The following ACAP2 variants were observed in gnomAD, a reference collection of about 807,000 sequenced individuals.
ACAP2 encodes the protein arf-GAP with coiled-coil, ANK repeat and PH domain-containing protein 2.
A neutral mutation model predicts 115.8 loss-of-function variants in ACAP2; 39 were observed. The observed-to-expected ratio is 0.34, with a 90% confidence interval of 0.26 to 0.44. ACAP2 has a LOEUF of 0.44. Among genes scored for constraint, ACAP2 ranks in the 20% least tolerant of loss-of-function variants. ACAP2 has a pLI of 1.00. For missense variants in ACAP2, 662 were observed against 927.6 expected, an observed-to-expected ratio of 0.71 and a Z score of 3.72; for synonymous variants, 289 against 315.8, an observed-to-expected ratio of 0.92 and a Z score of 0.90.
rs546885567 is a variant in ACAP2, at chr3:195,431,309, T to C, written c.53+11486A>G. 3.8e-4 allele frequency among the ~76,000 whole-genome samples: 58 copies of C among 152,360 alleles called. No homozygotes were observed. In the Middle Eastern group the frequency reaches 0.017, roughly 45 times the overall value. The stretch of plus-strand genomic sequence containing the variant: ...GTACGGACACAGGTTGTTTCACTTT[T>C]TGGCAGTGAATAATGCTCCTATGAA... On this transcript the variant is annotated intron_variant, in intron 1 of 22. Transcript: ENST00000326793.
At chr3:195,391,764 G>C (rs1288963006) in intron 2 of ACAP2, among the ~76,000 whole-genome samples, 1 of 152,090 alleles carries the variant, frequency 6.6e-6, no homozygotes, top group Non-Finnish European at 1.5e-5. Context: ...GGAGGCCAAG[G>C]CAGGTGGATC....
intron 4 of ACAP2, among the ~76,000 whole-genome samples, chr3:195,371,714 G>A (rs1325654151): frequency 2.6e-5 from 4 of 152,104 alleles, no homozygotes; most frequent in African/African-American, 4.8e-5. Context: ...GTGCAGTGGC[G>A]TGATCTTGGC....
chr3:195,359,057 T>C (rs1279356487), intron 4 of ACAP2, among the ~76,000 whole-genome samples: 1 of 152,178 alleles, frequency 6.6e-6, no homozygotes, highest in African/African-American at 2.4e-5. Context: ...AAAAACTTTT[T>C]TACTCTAGAA....
intron 6 of ACAP2, among the ~76,000 whole-genome samples, chr3:195,337,898 GACCTGAGCCCGGGGCCACTCCCACCTCA>G (rs1461104628): frequency 2.1e-3 from 303 of 143,418 alleles, no homozygotes; most frequent in African/African-American, 6.1e-3. Context: ...TCTGTACTCC[GACCTGAGCCCGGGGCCACTCCCACCTCA>G]ACCTGAGCCC....
intron 6 of ACAP2, 35 bp from the exon 7 acceptor site, chr3:195,337,011 A>T (rs375737427): frequency 1.3e-6 from 2 of 1,579,094 alleles, no homozygotes; most frequent in Non-Finnish European, 1.7e-6. Flanking sequence ...TCACCCATGC[A>T]TTATTTTAAA....
At chr3:195,419,116 T>A (rs564835507) in intron 1 of ACAP2, among the ~76,000 whole-genome samples, 1 of 152,202 alleles carries the variant, frequency 6.6e-6, no homozygotes, top group South Asian at 2.1e-4. Flanking sequence ...CCATTTGAAG[T>A]GTACAATTCA....
chr3:195,429,145 T>C (rs917976315), intron 1 of ACAP2, among the ~76,000 whole-genome samples: 11 of 152,054 alleles, frequency 7.2e-5, no homozygotes, highest in African/African-American at 2.4e-4. Flanking sequence ...CCCAGCACTT[T>C]GGGAGGCTGA....
chr3:195,332,900 T>G (rs1730266933), intron 8 of ACAP2, 128 bp downstream of exon 8: 9 of 582,710 alleles, frequency 1.5e-5, no homozygotes, highest in Admixed American at 7.9e-5. Context: ...CTTTCTAGAT[T>G]ACCCAGTCTC....
chr3:195,291,071 C>T (rs1477841235), intron 20 of ACAP2, among the ~76,000 whole-genome samples: 1 of 152,020 alleles, frequency 6.6e-6, no homozygotes, highest in Non-Finnish European at 1.5e-5. Context: ...CTTGCTTATC[C>T]ACCACATAAT....
At chr3:195,342,203 A>T (rs1437650804) in intron 6 of ACAP2, among the ~76,000 whole-genome samples, 1 of 152,238 alleles carries the variant, frequency 6.6e-6, no homozygotes, top group Non-Finnish European at 1.5e-5. Flanking sequence ...AGAGAATAAC[A>T]TATAGCAACT....
chr3:195,338,269 A>G (rs559275074), intron 6 of ACAP2, among the ~76,000 whole-genome samples: 53 of 152,136 alleles, frequency 3.5e-4, no homozygotes, highest in Non-Finnish European at 7.4e-4. Flanking sequence ...CACTCAATAA[A>G]TATTTCTTAA....
At chr3:195,317,932 C>A (rs938733224) in intron 10 of ACAP2, among the ~76,000 whole-genome samples, 1 of 152,140 alleles carries the variant, frequency 6.6e-6, no homozygotes, top group African/African-American at 2.4e-5. Context: ...TGTGTCACTA[C>A]CCAAATCTCA....
intron 4 of ACAP2, among the ~76,000 whole-genome samples, chr3:195,363,816 A>T (rs768816170): frequency 6.6e-6 from 1 of 152,158 alleles, no homozygotes; most frequent in Non-Finnish European, 1.5e-5. Context: ...AAATCCATAC[A>T]TCTAAAGTGA....
chr3:195,381,217 A>G (rs1322419807), intron 3 of ACAP2, among the ~76,000 whole-genome samples, 155 bp from the exon 4 acceptor site: 4 of 152,168 alleles, frequency 2.6e-5, no homozygotes. Context: ...TTATGGGTAC[A>G]CTCTGCAGAG....
At chr3:195,426,072 G>A (rs1238823582) in intron 1 of ACAP2, among the ~76,000 whole-genome samples, 1 of 152,158 alleles carries the variant, frequency 6.6e-6, no homozygotes, top group East Asian at 1.9e-4. Flanking sequence ...CATCACTACA[G>A]ATGAATTATA....
intron 10 of ACAP2, among the ~76,000 whole-genome samples, chr3:195,318,458 A>G (rs576369043): frequency 2.0e-5 from 3 of 152,334 alleles, no homozygotes; most frequent in Non-Finnish European, 4.4e-5. Flanking sequence ...GGATATGGAC[A>G]ATGTAGTCCA....
At position 195,381,978 on chromosome 3, in the gene ACAP2, A is replaced by C. The variant is rs1461159328; in HGVS notation, c.156T>G (p.Phe52Leu). ...CIAMIDTGKA[F>L]CVANKQFMNG... The stretch of plus-strand genomic sequence containing the variant: ...TCATGAACTGTTTATTTGCAACACA[A>C]AAGGCTTTTCCAGTATCAATCATTG... Residue 52 changes from phenylalanine (F) to leucine (L), a missense_variant, in exon 3 of 23, where the codon TTT becomes TTG. Phe to Leu is a conservative substitution (Grantham distance 22, BLOSUM62 0). Coordinates refer to ENST00000326793, the MANE Select transcript of ACAP2 (RefSeq NM_012287.6). 3.1e-6 allele frequency: 5 copies of C among 1,612,284 alleles called. No individual in the cohort carries two copies. The Admixed American group carries it at 6.7e-5, about 22-fold the overall frequency.
intron 9 of ACAP2, among the ~76,000 whole-genome samples, chr3:195,324,053 A>G: frequency 6.6e-6 from 1 of 152,302 alleles, no homozygotes; most frequent in South Asian, 2.1e-4. Context: ...ATGTACTAAC[A>G]AAAATTAAAA....
At chr3:195,401,416 G>C (rs1712282732) in intron 1 of ACAP2, among the ~76,000 whole-genome samples, 1 of 152,198 alleles carries the variant, frequency 6.6e-6, no homozygotes, top group Non-Finnish European at 1.5e-5. Context: ...TGTAATCCCA[G>C]CATTTTGGGA....
Sources: allele counts gnomAD v4.1 joint callset (sites outside exome capture counted in the v4.1 genomes callset), GRCh38; gene constraint gnomAD v4.1.1; transcripts MANE v1.5; gene names NCBI Gene and HGNC (gene_info 2026-07-23, HGNC 2026-07-21).